The following TFCP2 variants were observed in gnomAD, a reference collection of about 807,000 sequenced individuals.
TFCP2 encodes the protein alpha-globin transcription factor CP2.
In TFCP2, 33 loss-of-function variants were observed where a neutral mutation model predicts 73.4. That is an observed-to-expected ratio of 0.45 (90% confidence interval 0.34 to 0.60). The LOEUF is 0.60. Ranked by LOEUF, TFCP2 falls within the 20% of genes least tolerant of loss-of-function variation. The pLI, the probability that TFCP2 is intolerant of heterozygous loss-of-function variation, is 0.01. For synonymous variants in TFCP2, 193 were observed against 211.6 expected (o/e 0.91, Z 0.76); for missense variants, 352 against 604.0 (o/e 0.58, Z 4.37).
chr12:51,162,724 G>A (rs1275894948), intron 1 of TFCP2, among the ~76,000 whole-genome samples: 1 of 152,168 alleles, frequency 6.6e-6, no homozygotes, highest in Non-Finnish European at 1.5e-5. Context: ...AGGCTGGAGT[G>A]CAGTGGCACA....
intron 1 of TFCP2, among the ~76,000 whole-genome samples, chr12:51,146,560 A>G (rs917401609): frequency 6.6e-6 from 1 of 152,230 alleles, no homozygotes; most frequent in Admixed American, 6.5e-5. Context: ...GCTAGGATGC[A>G]GAACCGAAAC....
At chr12:51,157,454 T>C (rs1266236144) in intron 1 of TFCP2, among the ~76,000 whole-genome samples, 4 of 138,374 alleles carry the variant, frequency 2.9e-5, no homozygotes, top group African/African-American at 7.3e-5. Context: ...TAGCTAGGAC[T>C]ACAGGAATGT....
At chr12:51,140,445 CTT>C (rs768526922) in intron 1 of TFCP2, among the ~76,000 whole-genome samples, 11 of 88,026 alleles carry the variant, frequency 1.2e-4, no homozygotes, top group Middle Eastern at 8.1e-3. Context: ...TTTTCTTTTT[CTT>C]TTTTTTTTTT....
intron 1 of TFCP2, among the ~76,000 whole-genome samples, chr12:51,164,633 TCAGA>T (rs1374763155): frequency 6.6e-6 from 1 of 151,126 alleles, no homozygotes; most frequent in Admixed American, 6.6e-5. Context: ...CAAACTCTTG[TCAGA>T]CTGACTGGGA....
intron 1 of TFCP2, among the ~76,000 whole-genome samples, chr12:51,146,503 A>G (rs919472262): frequency 7.2e-5 from 11 of 152,088 alleles, no homozygotes; most frequent in Non-Finnish European, 1.0e-4. Context: ...ACCACAATAA[A>G]ATACTATTCC....
rs756069675 is a variant in TFCP2 at position 51,123,300 on chromosome 12, C to T, written c.123-4528G>A. On this transcript the variant is annotated intron_variant, in intron 1 of 14. Coordinates refer to ENST00000257915, the MANE Select transcript of TFCP2 (RefSeq NM_005653.5). The stretch of plus-strand genomic sequence containing the variant: ...AATTATTCATATTCTTGCTACACCG[C>T]ATTTCTTTTAGTCTGCTGCGGGAGC... Among the ~76,000 whole-genome samples, 7 of 152,356 alleles carry T rather than the reference C, an allele frequency of 4.6e-5. No homozygotes were observed. In the Middle Eastern group the frequency reaches 0.01, roughly 222 times the overall value.
At position 51,099,722 on chromosome 12, in the gene TFCP2, C is replaced by T. The variant is rs1302620172; in HGVS notation, c.1209G>A (p.Glu403=). Residue 403 remains glutamate, a synonymous_variant, in exon 12 of 15, where the codon GAG becomes GAA. Coordinates refer to ENST00000257915, the MANE Select transcript of TFCP2 (RefSeq NM_005653.5). The stretch of plus-strand genomic sequence containing the variant: ...GCTGTTGCTGCTGCTGTTGTTGCTG[C>T]TCCCTCAACTGCAGTGATTCCTGAC... ...YVCQESLQLR[E]QQQQQQQQQQ... 6.2e-7 allele frequency: 1 copy of T among 1,614,186 alleles called. No individual in the cohort carries two copies. Among genetic ancestry groups the T allele is most frequent in the Admixed American group, 1.7e-5 (1 of 60,012 alleles).
At chr12:51,137,458 T>TCAG (rs1941086896) in intron 1 of TFCP2, among the ~76,000 whole-genome samples, 1 of 152,160 alleles carries the variant, frequency 6.6e-6, no homozygotes, top group Admixed American at 6.5e-5. Context: ...AAAAGTTTAA[T>TCAG]CAAAGAAATC....
chr12:51,140,445 C>CTTTTTTTTTTTTTTTTTTTT (rs768526922), intron 1 of TFCP2, among the ~76,000 whole-genome samples: 52 of 88,030 alleles, frequency 5.9e-4, no homozygotes, highest in Non-Finnish European at 7.7e-4. Context: ...TTTTCTTTTT[C>CTTTTTTTTTTTTTTTTTTTT]TTTTTTTTTT....
At position 51,124,259 on chromosome 12, in the gene TFCP2, C is replaced by CTAA. The variant is rs1244065251; in HGVS notation, c.123-5490_123-5488dup. ...TACAGGTATGCACCACCATGTCTGG[C>CTAA]TAATTCTTAAATTTTTTGTAGAGAT... is the stretch of plus-strand genomic sequence containing the variant. On this transcript the variant is annotated intron_variant, in intron 1 of 14. Coordinates refer to ENST00000257915, the MANE Select transcript of TFCP2 (RefSeq NM_005653.5). Among the ~76,000 whole-genome samples the CTAA allele has an allele frequency of 2.6e-5, 4 of 152,176 alleles. No individual in the cohort carries two copies. The East Asian group carries it at 7.7e-4, about 29-fold the overall frequency.
intron 4 of TFCP2, among the ~76,000 whole-genome samples, chr12:51,113,846 C>T (rs1294921079): frequency 6.6e-6 from 1 of 152,082 alleles, no homozygotes. Context: ...AACTGGGTAT[C>T]CACATGCAAA....
intron 1 of TFCP2, among the ~76,000 whole-genome samples, chr12:51,119,658 G>A (rs1395560747): frequency 6.6e-6 from 1 of 151,796 alleles, no homozygotes; most frequent in East Asian, 1.9e-4. Context: ...GCTGAGGCAG[G>A]AGAACTGCTT....
At chr12:51,153,878 G>A (rs1941481260) in intron 1 of TFCP2, among the ~76,000 whole-genome samples, 1 of 152,126 alleles carries the variant, frequency 6.6e-6, no homozygotes, top group African/African-American at 2.4e-5. Flanking sequence ...GCTGTCAATT[G>A]TCTTGAATAT....
At chr12:51,171,956 A>G (rs965659874) in intron 1 of TFCP2, among the ~76,000 whole-genome samples, 3 of 152,082 alleles carry the variant, frequency 2.0e-5, no homozygotes, top group African/African-American at 4.8e-5. Context: ...TTCCTATGCT[A>G]TATGTAACCC....
chr12:51,129,077 C>T (rs1431419585), intron 1 of TFCP2, among the ~76,000 whole-genome samples: 2 of 152,124 alleles, frequency 1.3e-5, no homozygotes, highest in Admixed American at 6.5e-5. Flanking sequence ...AAGAGACATA[C>T]AGCCTGTTAC....
rs534156362 is a variant in TFCP2 at position 51,151,372 on chromosome 12, C to T, written c.122+20929G>A. ...ATAATTTATCACTAAAACAGGTACA[C>T]CTTGGTGAGTGAGGAAGGGTGATAT... On this transcript the variant is annotated intron_variant, in intron 1 of 14. Transcript: ENST00000257915. 1.1e-4 allele frequency among the ~76,000 whole-genome samples: 17 copies of T among 152,182 alleles called. No homozygotes were observed. The East Asian group carries it at 1.9e-3, about 17-fold the overall frequency.
chr12:51,125,985 C>T (rs1940806167), intron 1 of TFCP2, among the ~76,000 whole-genome samples: 2 of 151,962 alleles, frequency 1.3e-5, no homozygotes, highest in African/African-American at 4.8e-5. Context: ...AATCCCAGCA[C>T]TTTGGGAGGC....
At chr12:51,142,648 C>T (rs1278792021) in intron 1 of TFCP2, among the ~76,000 whole-genome samples, 1 of 152,196 alleles carries the variant, frequency 6.6e-6, no homozygotes, top group African/African-American at 2.4e-5. Context: ...AATCTTCCTC[C>T]ATGGATCATT....
chr12:51,110,983 T>C lies in TFCP2; in HGVS notation c.458A>G (p.Asp153Gly). ...GATTATACCCACAGACATCGGGATATCTGAGAAACAAAATGGTAATCATTG... is the reference window on the plus strand; with the variant it reads ...GATTATACCCACAGACATCGGGATACCTGAGAAACAAAATGGTAATCATTG... ...NRPGDRILDI[D>G]IPMSVGIIDP... The change falls in exon 5 of 15, where the codon GAT becomes GGT. Residue 153 changes from aspartate (D) to glycine (G), a missense_variant and splice_region_variant. By Grantham distance (94) the Asp-to-Gly change is moderately conservative. Around this residue, in one of 6 missense-constraint regions of TFCP2, gnomAD observed 31 missense variants for 43.7 expected, o/e 0.71. Transcript: ENST00000257915. 3 of 1,605,016 alleles carry C rather than the reference T, an allele frequency of 1.9e-6. No individual in the cohort carries two copies. Among genetic ancestry groups the C allele is most frequent in the Non-Finnish European group, 2.6e-6 (3 of 1,171,776 alleles).
Sources: allele counts gnomAD v4.1 joint callset (sites outside exome capture counted in the v4.1 genomes callset), GRCh38; gene constraint gnomAD v4.1.1; regional missense constraint gnomAD v4.1.1; transcripts MANE v1.5; gene names NCBI Gene and HGNC (gene_info 2026-07-23, HGNC 2026-07-21).